The following BCAS3 variants were observed in gnomAD, a reference collection of about 807,000 sequenced individuals.
BCAS3 encodes the protein BCAS3 microtubule associated cell migration factor, also known as BCAS4/BCAS3 fusion.
In BCAS3, 53 loss-of-function variants were observed where a neutral mutation model predicts 116.1. The ratio of observed to expected loss-of-function variants is 0.46; its 90% confidence interval spans 0.37 to 0.57. The LOEUF (loss-of-function observed/expected upper bound fraction) is 0.57, where lower values mean the gene tolerates loss of function less well. BCAS3 is among the 20% of genes least tolerant of loss of function. BCAS3 has a pLI of 0.00. For synonymous variants in BCAS3, 391 were observed against 408.2 expected, an observed-to-expected ratio of 0.96 and a Z score of 0.51; for missense variants, 917 against 1,165.4, an observed-to-expected ratio of 0.79 and a Z score of 3.10.
intron 22 of BCAS3, among the ~76,000 whole-genome samples, chr17:61,152,727 A>G (rs1464459557): frequency 1.3e-5 from 2 of 152,036 alleles, no homozygotes; most frequent in East Asian, 3.8e-4. Context: ...TAAAAAAAAA[A>G]ATACCCCAAT....
At chr17:60,688,917 T>C (rs939691321) in intron 3 of BCAS3, 1 of 152,164 alleles carries the variant, frequency 6.6e-6, no homozygotes, top group South Asian at 2.1e-4. Context: ...AATGCTTGTC[T>C]TTTGATCCTT....
Position 61,267,249 on chromosome 17 carries a change from A to G in BCAS3, c.2426-101078A>G, listed in dbSNP as rs533835948. On this transcript the variant is annotated intron_variant, in intron 22 of 23. Transcript: ENST00000407086. ...ATTTTTTGTATTTTTAGTAGAGACG[A>G]GGTTTCACCGTGTTAGCCAGGATGG... 6.3e-3 allele frequency among the ~76,000 whole-genome samples: 922 copies of G among 146,266 alleles called. 10 individuals carry two copies. The highest frequency in any genetic ancestry group is 0.022 in the African/African-American group (860 of 38,630).
chr17:60,811,446 A>G (rs2048810718), intron 7 of BCAS3: 1 of 595,976 alleles, frequency 1.7e-6, no homozygotes, highest in Non-Finnish European at 3.1e-6. Context: ...AGCGACATCA[A>G]AGTTCTGAGA....
intron 16 of BCAS3, 42 bp downstream of exon 16, chr17:61,015,943 A>G (rs1232006058): frequency 1.3e-6 from 2 of 1,562,628 alleles, no homozygotes; most frequent in South Asian, 2.3e-5. Flanking sequence ...GCTGTTTTAT[A>G]GGGTTGAATG....
chr17:60,737,810 G>T (rs1190423193), intron 5 of BCAS3, among the ~76,000 whole-genome samples: 1 of 150,988 alleles, frequency 6.6e-6, no homozygotes, highest in Non-Finnish European at 1.5e-5. Flanking sequence ...TTTTGAGATG[G>T]AGTCTCACTC....
chr17:60,698,519 C>G (rs1405636592), intron 4 of BCAS3, among the ~76,000 whole-genome samples: 1 of 152,032 alleles, frequency 6.6e-6, no homozygotes, highest in Non-Finnish European at 1.5e-5. Flanking sequence ...TCTGCTGTAT[C>G]ACCACCATCC....
chr17:60,810,933 T>A, intron 7 of BCAS3: 2 of 690,624 alleles, frequency 2.9e-6, no homozygotes, highest in Non-Finnish European at 5.3e-6. Context: ...GGGCCCAATA[T>A]GACGAACTGG....
intron 22 of BCAS3, among the ~76,000 whole-genome samples, chr17:61,109,540 G>A (rs971422767): frequency 6.6e-6 from 1 of 152,114 alleles, no homozygotes; most frequent in South Asian, 2.1e-4. Flanking sequence ...TTCCATACTG[G>A]TTGTACAAGC....
intron 18 of BCAS3, among the ~76,000 whole-genome samples, chr17:61,038,784 T>C (rs542900814): frequency 6.7e-6 from 1 of 148,290 alleles, no homozygotes; most frequent in Middle Eastern, 3.4e-3. Context: ...TTCTCCTGCC[T>C]CAGCCTCCTG....
Position 61,122,201 on chromosome 17 carries a change from A to G in BCAS3, c.2425+37637A>G, listed in dbSNP as rs543277489. Among the ~76,000 whole-genome samples, 3 of 152,290 alleles carry G rather than the reference A, an allele frequency of 2.0e-5. No homozygotes were observed. The highest frequency in any genetic ancestry group is 7.2e-5 in the African/African-American group (3 of 41,562). ...AATCATACACATGCATCTTCCAGTG[A>G]CGCATTTGAAATGGTGAAATCTGAT... On this transcript the variant is annotated intron_variant, in intron 22 of 23. Transcript: ENST00000407086. This position sits in a 1 kb window ranked among gnomAD's most constrained non-coding sequence, Gnocchi z 4.6.
intron 2 of BCAS3, among the ~76,000 whole-genome samples, chr17:60,679,860 C>T (rs1302040497): frequency 2.6e-5 from 4 of 151,976 alleles, no homozygotes; most frequent in Admixed American, 2.0e-4. Context: ...AAATAGAGGC[C>T]GGGCGCAGTG....
intron 10 of BCAS3, chr17:60,900,185 TTAA>T: frequency 8.4e-6 from 1 of 119,188 alleles, no homozygotes; most frequent in Non-Finnish European, 1.6e-5. Flanking sequence ...ACGCTGTCTC[TTAA>T]AAAAAAAAAA....
At chr17:61,053,010 C>A (rs2069025696) in intron 19 of BCAS3, among the ~76,000 whole-genome samples, 1 of 152,050 alleles carries the variant, frequency 6.6e-6, no homozygotes, top group African/African-American at 2.4e-5. Context: ...AGCCACCACG[C>A]CTGGCCTGTG....
At chr17:61,109,913 T>G (rs187617117) in intron 22 of BCAS3, among the ~76,000 whole-genome samples, 2 of 152,390 alleles carry the variant, frequency 1.3e-5, no homozygotes, top group Admixed American at 1.3e-4. Flanking sequence ...GGCTAATTAT[T>G]TCTTTTGCTG....
chr17:61,384,150 G>T (rs1254633585), intron 23 of BCAS3, among the ~76,000 whole-genome samples: 2 of 152,198 alleles, frequency 1.3e-5, no homozygotes, highest in Non-Finnish European at 2.9e-5. Context: ...ACCTGGCCGG[G>T]CATTCTCCAT....
chr17:61,382,163 A>G (rs1241384753), intron 23 of BCAS3, among the ~76,000 whole-genome samples: 1 of 151,806 alleles, frequency 6.6e-6, no homozygotes, highest in Non-Finnish European at 1.5e-5. Context: ...CCCCATCTCT[A>G]CTAAAAATAC....
chr17:61,093,091 A>G (rs931145422), intron 22 of BCAS3, among the ~76,000 whole-genome samples: 2 of 151,796 alleles, frequency 1.3e-5, no homozygotes, highest in Non-Finnish European at 2.9e-5. Flanking sequence ...TATTTTTAGT[A>G]GAGATGAGGT....
rs151327826 is a variant in BCAS3, at chr17:61,368,150, C to T, written c.2426-177C>T. ...GGAAGTCACTCCAGAGGTCTGCACT[C>T]TCTCAGCGGCATGAGCTATTTCTCC... On this transcript the variant is annotated intron_variant, in intron 22 of 23. Coordinates refer to ENST00000407086, the MANE Select transcript of BCAS3 (RefSeq NM_017679.5). The surrounding 1 kb of genome is among the most constrained non-coding windows in gnomAD (Gnocchi z 6.0). The T allele has an allele frequency of 7.8e-4, 450 of 576,812 alleles. 2 individuals are homozygous for T. The highest frequency in any genetic ancestry group is 7.4e-3 in the African/African-American group (401 of 54,488). The allele number at this position is 576,812 out of a possible 1,614,324, so 35.7% of individuals were successfully genotyped here.
intron 7 of BCAS3, among the ~76,000 whole-genome samples, chr17:60,828,620 C>G (rs757885569): frequency 6.6e-6 from 1 of 152,118 alleles, no homozygotes; most frequent in African/African-American, 2.4e-5. Flanking sequence ...GTAAGGAATC[C>G]TTGTCTGCTA....
Sources: gnomAD v4.1 joint callset for allele counts (sites outside exome capture counted in the v4.1 genomes callset) on GRCh38, gnomAD v4.1.1 for gene constraint, Gnocchi (gnomAD v3.1) non-coding constraint, MANE v1.5 for transcripts, NCBI Gene and HGNC (gene_info 2026-07-23, HGNC 2026-07-21) for gene names.